Variants in MGAT4C observed in about 807,000 individuals in gnomAD.
MGAT4C encodes the protein alpha-1,3-mannosyl-glycoprotein 4-beta-N-acetylglucosaminyltransferase C.
Under a neutral mutation model 40.1 loss-of-function variants are expected in MGAT4C, and 19 were observed. The observed-to-expected ratio is 0.47, with a 90% CI of 0.33 to 0.70. MGAT4C has a LOEUF of 0.70. MGAT4C is among the 30% of genes least tolerant of loss of function. The pLI is 0.02. For synonymous variants in MGAT4C, 181 were observed against 187.1 expected, an observed-to-expected ratio of 0.97 and a Z score of 0.27; for missense variants, 491 against 563.2, an observed-to-expected ratio of 0.87 and a Z score of 1.30.
At chr12:85,985,781 A>T (rs886749536) in intron 3 of MGAT4C, among the ~76,000 whole-genome samples, 1 of 152,208 alleles carries the variant, frequency 6.6e-6, no homozygotes, top group Non-Finnish European at 1.5e-5. Context: ...GTTTAAAATA[A>T]ATTTAGAACT....
chr12:86,394,460 T>TTA (rs1044736175), intron 3 of MGAT4C, among the ~76,000 whole-genome samples: 33 of 146,602 alleles, frequency 2.3e-4, no homozygotes, highest in Admixed American at 1.3e-3. Context: ...TTTGGTTTAA[T>TTA]TATATATATA....
chr12:86,049,501 G>T (rs1165884808), intron 2 of MGAT4C, among the ~76,000 whole-genome samples, 173 bp downstream of exon 2: 1 of 152,012 alleles, frequency 6.6e-6, no homozygotes, highest in Non-Finnish European at 1.5e-5. Flanking sequence ...GTTGTTAAGA[G>T]TTTATCATGA....
At chr12:86,468,691 C>T (rs916824390) in intron 2 of MGAT4C, among the ~76,000 whole-genome samples, 3 of 152,092 alleles carry the variant, frequency 2.0e-5, no homozygotes, top group Non-Finnish European at 2.9e-5. Context: ...TCCCCTTCCT[C>T]GGTTCTAACC....
intron 1 of MGAT4C, among the ~76,000 whole-genome samples, chr12:86,769,347 T>A (rs1565977784): frequency 1.5e-5 from 2 of 137,676 alleles, no homozygotes; most frequent in African/African-American, 2.4e-5. Context: ...AGAATGGCAA[T>A]CATTAAAAAG....
intron 2 of MGAT4C, among the ~76,000 whole-genome samples, chr12:86,463,257 T>C (rs1306824982): frequency 6.6e-6 from 1 of 152,176 alleles, no homozygotes. Flanking sequence ...TGAGCAATCA[T>C]TTGAAAATAT....
intron 1 of MGAT4C, among the ~76,000 whole-genome samples, chr12:86,755,833 A>G (rs1051061804): frequency 2.6e-5 from 4 of 151,894 alleles, no homozygotes; most frequent in African/African-American, 9.6e-5. Context: ...GTTTTTGTAG[A>G]GATGGAGTTT....
intron 1 of MGAT4C, among the ~76,000 whole-genome samples, chr12:86,059,789 C>T (rs1450511316): frequency 6.6e-6 from 1 of 152,152 alleles, no homozygotes. Context: ...TTGCCCCTTT[C>T]TCTGTATCAA....
chr12:86,159,588 T>C (rs1427339146), intron 1 of MGAT4C, among the ~76,000 whole-genome samples: 2 of 152,020 alleles, frequency 1.3e-5, no homozygotes, highest in Non-Finnish European at 2.9e-5. Flanking sequence ...GGAATGATTT[T>C]AGTAGAATTG....
intron 1 of MGAT4C, among the ~76,000 whole-genome samples, chr12:86,738,435 C>T (rs993790664): frequency 3.0e-4 from 45 of 151,356 alleles, no homozygotes; most frequent in African/African-American, 9.7e-4. Context: ...AATTTGTTTT[C>T]CTTCTAGAAT....
intron 1 of MGAT4C, among the ~76,000 whole-genome samples, chr12:86,222,415 A>AT (rs1204688587): frequency 1.3e-5 from 2 of 152,170 alleles, no homozygotes; most frequent in African/African-American, 2.4e-5. Context: ...AAAGTGACAG[A>AT]TTTTTTCTAT....
intron 2 of MGAT4C, among the ~76,000 whole-genome samples, chr12:86,665,082 T>A (rs1234916496): frequency 6.6e-6 from 1 of 151,864 alleles, no homozygotes; most frequent in Admixed American, 6.6e-5. Context: ...ATCTGGTCCA[T>A]GTTGTACTTT....
rs1263022773 is a variant in MGAT4C, at chr12:86,632,232, G to T, written c.-229+94977C>A. Reference sequence around the variant, plus strand: ...TAGCATCTCATACCAGTTAGAATGGGGATCATTAAAAAGTCAGGAAACAAC... The same window carrying T: ...TAGCATCTCATACCAGTTAGAATGGTGATCATTAAAAAGTCAGGAAACAAC... On this transcript the variant is annotated intron_variant, in intron 2 of 7. Transcript: ENST00000548651. Among the ~76,000 whole-genome samples the T allele has an allele frequency of 2.6e-5, 4 of 151,566 alleles. 1 individual carries two copies. The highest frequency in any genetic ancestry group is 2.6e-4 in the Admixed American group (4 of 15,240).
chr12:86,671,192 C>T (rs1163484043), intron 2 of MGAT4C, among the ~76,000 whole-genome samples: 1 of 152,180 alleles, frequency 6.6e-6, no homozygotes, highest in East Asian at 1.9e-4. Flanking sequence ...TCAGACAATT[C>T]TCATGTTAGT....
intron 2 of MGAT4C, among the ~76,000 whole-genome samples, chr12:86,619,291 C>A (rs1357177807): frequency 1.3e-5 from 2 of 152,020 alleles, no homozygotes; most frequent in Non-Finnish European, 2.9e-5. Context: ...CTTTCTTCAA[C>A]TCCTTAATCT....
chr12:86,471,110 G>A (rs565083144), intron 2 of MGAT4C, among the ~76,000 whole-genome samples: 2 of 152,034 alleles, frequency 1.3e-5, no homozygotes, highest in African/African-American at 2.4e-5. Flanking sequence ...TAAAAGAAAT[G>A]TTAAAAGAAG....
intron 4 of MGAT4C, among the ~76,000 whole-genome samples, chr12:86,313,937 G>C (rs1410779759): frequency 6.6e-6 from 1 of 152,152 alleles, no homozygotes; most frequent in Admixed American, 6.5e-5. Context: ...CTAAGTAGTA[G>C]TTGGAATTAA....
At chr12:86,455,523 CT>C (rs1272093270) in intron 2 of MGAT4C, among the ~76,000 whole-genome samples, 1 of 152,076 alleles carries the variant, frequency 6.6e-6, no homozygotes, top group African/African-American at 2.4e-5. Context: ...AAAGGAAACT[CT>C]TTCTTCACAG....
chr12:86,273,278 A>G (rs1262502692), intron 4 of MGAT4C, among the ~76,000 whole-genome samples: 2 of 152,172 alleles, frequency 1.3e-5, no homozygotes, highest in East Asian at 1.9e-4. Flanking sequence ...TGTATCTTAG[A>G]CTTCTCATTT....
chr12:86,144,631 T>C (rs751630484), intron 1 of MGAT4C, among the ~76,000 whole-genome samples: 9 of 152,200 alleles, frequency 5.9e-5, no homozygotes, highest in Non-Finnish European at 1.2e-4. Context: ...ATCTCAGTAT[T>C]ATACATCACA....
Sources: allele counts gnomAD v4.1 joint callset (sites outside exome capture counted in the v4.1 genomes callset), GRCh38; gene constraint gnomAD v4.1.1; transcripts MANE v1.5; gene names NCBI Gene and HGNC (gene_info 2026-07-23, HGNC 2026-07-21).